The following SYNE2 variants were observed in gnomAD, a reference collection of about 807,000 sequenced individuals.
SYNE2 encodes spectrin repeat containing nuclear envelope protein 2.
In SYNE2, 431 loss-of-function variants were observed where a neutral mutation model predicts 856.3. That is an observed-to-expected ratio of 0.50 (90% CI 0.47 to 0.55). SYNE2 has a LOEUF of 0.55. Among genes scored for constraint, SYNE2 ranks in the 20% least tolerant of loss-of-function variants. The pLI, the probability that SYNE2 is intolerant of heterozygous loss-of-function variation, is 0.00. For synonymous variants in SYNE2, 2,923 were observed against 2,872.3 expected, an observed-to-expected ratio of 1.02 and a Z score of -0.56; for missense variants, 8,129 against 8,023.2, an observed-to-expected ratio of 1.01 and a Z score of -0.50.
At chr14:63,788,045 C>G (rs1887603740) in intron 1 of SYNE2, among the ~76,000 whole-genome samples, 1 of 152,172 alleles carries the variant, frequency 6.6e-6, no homozygotes, top group African/African-American at 2.4e-5. Context: ...TCGTGGGTGC[C>G]CAAATTCTGG....
chr14:63,997,364 A>T lies in SYNE2; in HGVS notation c.3216A>T (p.Lys1072Asn), dbSNP rs775702714. Residue 1072 changes from lysine (K) to asparagine (N), a missense_variant, in exon 25 of 116, where the codon AAA becomes AAT. Lys to Asn is a moderately conservative substitution (Grantham distance 94, BLOSUM62 0). Around this residue, in one of 3 missense-constraint regions of SYNE2, gnomAD observed 2,422 missense variants for 2,357.4 expected, o/e 1.03. Transcript: ENST00000555002. The part of the protein sequence containing the change: ...GDPHSEAPFA[K>N]SDNQPSTEKA... The stretch of plus-strand genomic sequence containing the variant: ...CCCACAGTGAGGCACCATTTGCAAA[A>T]TCAGATAATCAGCCATCAACTGAAA... 1.2e-6 allele frequency: 2 copies of T among 1,613,392 alleles called. No individual in the cohort carries two copies. The highest frequency in any genetic ancestry group is 2.2e-5 in the South Asian group (2 of 90,756).
chr14:64,177,992 A>G (rs2098442299), intron 96 of SYNE2, among the ~76,000 whole-genome samples: 1 of 152,196 alleles, frequency 6.6e-6, no homozygotes, highest in African/African-American at 2.4e-5. Flanking sequence ...GCTGGAGACA[A>G]GGCAAACTTA....
At chr14:64,128,109 C>G (rs1280453047) in intron 73 of SYNE2, among the ~76,000 whole-genome samples, 1 of 152,068 alleles carries the variant, frequency 6.6e-6, no homozygotes, top group East Asian at 1.9e-4. Context: ...TTATTGATGG[C>G]AGGGGAGGAG....
chr14:63,812,385 C>G (rs1338849097), intron 1 of SYNE2, among the ~76,000 whole-genome samples: 1 of 152,154 alleles, frequency 6.6e-6, no homozygotes, highest in East Asian at 1.9e-4. Context: ...CTGAAAATCA[C>G]TGTTATTCTG....
At chr14:63,933,739 T>G (rs567389822) in intron 2 of SYNE2, among the ~76,000 whole-genome samples, 68 of 152,374 alleles carry the variant, frequency 4.5e-4, no homozygotes, top group Non-Finnish European at 1.3e-4. Context: ...TGTATTATTC[T>G]CTTTATTTCT....
chr14:63,865,748 AATTT>A (rs369566802), intron 1 of SYNE2, among the ~76,000 whole-genome samples: 37 of 142,060 alleles, frequency 2.6e-4, no homozygotes, highest in African/African-American at 1.0e-3. Flanking sequence ...AGAAAAAAGA[AATTT>A]ATCTGGCCTT....
At position 63,978,846 on chromosome 14, in the gene SYNE2, T is replaced by G; in HGVS notation, c.1407-6T>G. ...GTTAAATTCCAAAACCTGCACTGTT[T>G]TCCAGAATCAACAACATTTTGGAGA... On this transcript the variant is annotated splice_region_variant and splice_polypyrimidine_tract_variant and intron_variant, in intron 13 of 115. Coordinates refer to ENST00000555002, the MANE Select transcript of SYNE2 (RefSeq NM_182914.3). The G allele has an allele frequency of 6.2e-7, 1 of 1,610,534 alleles. No homozygotes were observed.
rs200193883 is a variant in SYNE2 at position 64,141,347 on chromosome 14, T to A, written c.14983T>A (p.Ser4995Thr). The A allele has an allele frequency of 5.0e-6, 8 of 1,612,982 alleles. No individual in the cohort carries two copies. In the East Asian group the frequency reaches 1.8e-4, roughly 36 times the overall value. The change falls in exon 81 of 116, where the codon TCA becomes ACA. Residue 4995 changes from serine to threonine, a missense_variant. Physicochemically the swap from Ser to Thr is moderately conservative, Grantham distance 58. Around this residue, in one of 3 missense-constraint regions of SYNE2, gnomAD observed 5,410 missense variants for 5,284.8 expected, o/e 1.02. Coordinates refer to ENST00000555002, the MANE Select transcript of SYNE2 (RefSeq NM_182914.3). ...RSNINNFFEFSKEVDEKSSLK... is the reference protein window; with the variant it reads ...RSNINNFFEFTKEVDEKSSLK... ...TTTTAAAACTCTCCTTTAGGAGTTT[T>A]CAAAAGAAGTTGATGAAAAATCCTC...
Position 64,054,705 on chromosome 14 carries a change from C to T in SYNE2, c.9744+1048C>T, listed in dbSNP as rs2097255394. On this transcript the variant is annotated intron_variant, in intron 48 of 115. Coordinates refer to ENST00000555002, the MANE Select transcript of SYNE2 (RefSeq NM_182914.3). ...CCTCTGTTGGAAAGTGACGCCAACA[C>T]ACTCCCTTCCCTTCCTTTTGGTAGA... Among the ~76,000 whole-genome samples the T allele has an allele frequency of 2.0e-5, 3 of 152,206 alleles. No individual in the cohort carries two copies. The South Asian group carries it at 6.2e-4, about 32-fold the overall frequency.
At chr14:63,782,978 A>G (rs1887370268) in intron 1 of SYNE2, among the ~76,000 whole-genome samples, 2 of 152,174 alleles carry the variant, frequency 1.3e-5, no homozygotes, top group South Asian at 4.1e-4. Flanking sequence ...ATTATAGTTA[A>G]CATTAGCGAT....
chr14:63,780,509 G>A (rs186940421), intron 1 of SYNE2, among the ~76,000 whole-genome samples: 6 of 152,194 alleles, frequency 3.9e-5, no homozygotes, highest in Admixed American at 1.3e-4. Context: ...ATTCCAGCCC[G>A]GGCAACAGAG....
At chr14:63,867,435 C>T (rs550727829) in intron 1 of SYNE2, among the ~76,000 whole-genome samples, 11 of 149,174 alleles carry the variant, frequency 7.4e-5, no homozygotes, top group East Asian at 5.9e-4. Context: ...TGGTGGCTCA[C>T]GCCTGTAATC....
At chr14:63,933,008 G>A (rs1164784556) in intron 2 of SYNE2, among the ~76,000 whole-genome samples, 1 of 152,148 alleles carries the variant, frequency 6.6e-6, no homozygotes, top group African/African-American at 2.4e-5. Context: ...AAGGAATTAG[G>A]GAATGATCAA....
intron 6 of SYNE2, among the ~76,000 whole-genome samples, chr14:63,943,193 C>T (rs1037028634): frequency 1.3e-5 from 2 of 152,218 alleles, no homozygotes; most frequent in African/African-American, 4.8e-5. Context: ...TATCCCAAGA[C>T]TGAGTTGTGG....
intron 73 of SYNE2, among the ~76,000 whole-genome samples, chr14:64,127,466 T>C (rs2097959162): frequency 6.6e-6 from 1 of 151,950 alleles, no homozygotes; most frequent in Non-Finnish European, 1.5e-5. Flanking sequence ...TAAGAATTTG[T>C]TAGGATGAGC....
At chr14:63,785,539 C>A (rs1887489195) in intron 1 of SYNE2, among the ~76,000 whole-genome samples, 1 of 152,146 alleles carries the variant, frequency 6.6e-6, no homozygotes, top group African/African-American at 2.4e-5. Context: ...CTCCCAGTTA[C>A]AATTTCAAAC....
At chr14:63,923,972 G>T (rs2095630382) in intron 2 of SYNE2, among the ~76,000 whole-genome samples, 2 of 141,078 alleles carry the variant, frequency 1.4e-5, no homozygotes, top group South Asian at 4.5e-4. Flanking sequence ...TTAATTTTTT[G>T]TTTTTTTTTA....
chr14:63,769,617 C>G (rs1886822774), intron 1 of SYNE2, among the ~76,000 whole-genome samples: 1 of 138,548 alleles, frequency 7.2e-6, no homozygotes, highest in African/African-American at 2.7e-5. Context: ...TGCAGTGAGT[C>G]GAGATCGCGC....
At chr14:64,074,639 T>C (rs2097442361) in intron 53 of SYNE2, among the ~76,000 whole-genome samples, 1 of 152,204 alleles carries the variant, frequency 6.6e-6, no homozygotes, top group South Asian at 2.1e-4. Context: ...CTCACACCTA[T>C]AATCCCAGCA....
Sources: allele counts gnomAD v4.1 joint callset (sites outside exome capture counted in the v4.1 genomes callset), GRCh38; gene constraint gnomAD v4.1.1; regional missense constraint gnomAD v4.1.1; transcripts MANE v1.5; gene names NCBI Gene and HGNC (gene_info 2026-07-23, HGNC 2026-07-21).